CAPRIN1: variants seen among roughly 807,000 people sequenced by gnomAD.
CAPRIN1 encodes the protein cell cycle associated protein 1, also known as caprin-1.
A neutral mutation model predicts 100.9 loss-of-function variants in CAPRIN1; 29 were observed. That is an observed-to-expected ratio of 0.29 (90% CI 0.21 to 0.39). CAPRIN1 has a LOEUF of 0.39. Ranked by LOEUF, CAPRIN1 falls within the 10% of genes least tolerant of loss-of-function variation. The pLI is 1.00. For missense variants in CAPRIN1, 795 were observed against 876.7 expected (o/e 0.91, Z 1.18); for synonymous variants, 338 against 307.5 (o/e 1.10, Z -1.04).
chr11:34,053,990 T>C (rs1850393311), intron 2 of CAPRIN1, among the ~76,000 whole-genome samples: 1 of 152,232 alleles, frequency 6.6e-6, no homozygotes, highest in African/African-American at 2.4e-5. Context: ...TTTTGCAGTG[T>C]TTATGTGGCC....
intron 17 of CAPRIN1, among the ~76,000 whole-genome samples, 200 bp from the exon 18 acceptor site, chr11:34,097,498 A>G (rs995254995): frequency 6.6e-6 from 1 of 152,242 alleles, no homozygotes; most frequent in African/African-American, 2.4e-5. Flanking sequence ...TTCCAAGAGC[A>G]GAGAAATATA....
In CAPRIN1 at chr11:34,076,638, C is replaced by A; in HGVS notation, c.684C>A (p.Thr228=). The change falls in exon 6 of 19, where the codon ACC becomes ACA. Residue 228 remains threonine (T), a synonymous_variant. Coordinates refer to ENST00000341394, the MANE Select transcript of CAPRIN1 (RefSeq NM_005898.5). ...LEGKEKPVCG[T]TYKVLKEIVE... Reference sequence around the variant, plus strand: ...GGAAGGAAAAACCTGTATGTGGAACCACCTGTGAGTATCACTGTGATAACT... The same window carrying A: ...GGAAGGAAAAACCTGTATGTGGAACAACCTGTGAGTATCACTGTGATAACT... 6.2e-7 allele frequency: 1 copy of A among 1,601,294 alleles called. No homozygotes were observed. Among genetic ancestry groups the A allele is most frequent in the Non-Finnish European group, 8.6e-7 (1 of 1,168,536 alleles).
chr11:34,071,135 T>C (rs1850797505), intron 2 of CAPRIN1, among the ~76,000 whole-genome samples: 1 of 152,222 alleles, frequency 6.6e-6, no homozygotes, highest in African/African-American at 2.4e-5. Flanking sequence ...CCCTTACCCA[T>C]GTGGGTAGGA....
chr11:34,092,782 A>G (rs368383347), intron 15 of CAPRIN1, among the ~76,000 whole-genome samples: 2 of 152,172 alleles, frequency 1.3e-5, no homozygotes, highest in East Asian at 1.9e-4. Flanking sequence ...GGGTTGAAAC[A>G]TAATCTATTT....
chr11:34,087,240 AT>A (rs767954014), intron 11 of CAPRIN1, among the ~76,000 whole-genome samples: 6 of 152,062 alleles, frequency 3.9e-5, no homozygotes, highest in Non-Finnish European at 7.4e-5. Context: ...CATAAAATAA[AT>A]TGCTGAGTAA....
intron 2 of CAPRIN1, among the ~76,000 whole-genome samples, chr11:34,058,876 G>A (rs77441659): frequency 1.3e-5 from 2 of 152,156 alleles, no homozygotes; most frequent in African/African-American, 2.4e-5. Flanking sequence ...AGAGAAATAA[G>A]AAGTGTGACA....
intron 15 of CAPRIN1, among the ~76,000 whole-genome samples, chr11:34,092,901 G>A (rs1851289882): frequency 6.6e-6 from 1 of 152,110 alleles, no homozygotes; most frequent in Admixed American, 6.5e-5. Context: ...TGCCCGGGCT[G>A]GAGTGCAGTG....
intron 2 of CAPRIN1, among the ~76,000 whole-genome samples, chr11:34,057,762 A>G (rs1415286084): frequency 1.3e-5 from 2 of 152,192 alleles, no homozygotes; most frequent in Non-Finnish European, 2.9e-5. Context: ...CTCGTTGCCC[A>G]GGCTGGAGTG....
chr11:34,075,592 C>T (rs1353158040), intron 4 of CAPRIN1, among the ~76,000 whole-genome samples: 1 of 152,134 alleles, frequency 6.6e-6, no homozygotes, highest in Non-Finnish European at 1.5e-5. Context: ...AGACTGGCAG[C>T]GGATTATTTG....
intron 2 of CAPRIN1, among the ~76,000 whole-genome samples, chr11:34,066,996 C>T (rs1467865023): frequency 1.3e-5 from 2 of 149,884 alleles, no homozygotes; most frequent in Non-Finnish European, 1.5e-5. Context: ...GTGACACAAT[C>T]TCGACTCAGT....
intron 6 of CAPRIN1, among the ~76,000 whole-genome samples, chr11:34,077,023 C>T (rs1432603032): frequency 6.6e-6 from 1 of 152,228 alleles, no homozygotes; most frequent in East Asian, 1.9e-4. Context: ...GTGTGAGCCA[C>T]TGCGCCCAGC....
intron 15 of CAPRIN1, among the ~76,000 whole-genome samples, chr11:34,094,915 T>C (rs1400903729): frequency 6.6e-6 from 1 of 152,180 alleles, no homozygotes; most frequent in Non-Finnish European, 1.5e-5. Flanking sequence ...AGAGTCTTGC[T>C]CTTGTCTCCC....
chr11:34,072,410 A>C (rs1850820673), intron 4 of CAPRIN1, among the ~76,000 whole-genome samples: 1 of 152,190 alleles, frequency 6.6e-6, no homozygotes, highest in Non-Finnish European at 1.5e-5. Context: ...TAAAGGTCTC[A>C]TTGGTTTAAA....
intron 2 of CAPRIN1, among the ~76,000 whole-genome samples, chr11:34,064,116 ATACT>A (rs1483283985): frequency 7.9e-5 from 12 of 152,114 alleles, no homozygotes; most frequent in Admixed American, 5.9e-4. Flanking sequence ...TCTAGGAAAA[ATACT>A]TAATATCTTA....
intron 2 of CAPRIN1, among the ~76,000 whole-genome samples, chr11:34,065,332 A>G (rs1850667525): frequency 1.3e-5 from 2 of 152,214 alleles, no homozygotes; most frequent in African/African-American, 4.8e-5. Flanking sequence ...TCCAGGTTCT[A>G]CTGGGCTATT....
At chr11:34,063,779 G>A (rs557152797) in intron 2 of CAPRIN1, among the ~76,000 whole-genome samples, 2 of 152,320 alleles carry the variant, frequency 1.3e-5, no homozygotes, top group South Asian at 4.1e-4. Context: ...TATCAACATT[G>A]TAACGTAGTA....
chr11:34,090,580 G>T lies in CAPRIN1; in HGVS notation c.1456G>T (p.Ala486Ser), dbSNP rs201932903. 11 of 1,613,948 alleles carry T rather than the reference G, an allele frequency of 6.8e-6. No individual in the cohort carries two copies. Among genetic ancestry groups the T allele is most frequent in the Non-Finnish European group, 9.3e-6 (11 of 1,179,994 alleles). Residue 486 changes from alanine to serine, a missense_variant, in exon 14 of 19, where the codon GCT (alanine) becomes TCT (serine). Coordinates refer to ENST00000341394, the MANE Select transcript of CAPRIN1 (RefSeq NM_005898.5). ...DQTTASSSLP[A>S]ASQPQVFQAG... Reference sequence around the variant, plus strand: ...GACTACAGCATCATCATCCCTTCCTGCTGCGTCTCAGCCTCAAGTATTTCA... The same window carrying T: ...GACTACAGCATCATCATCCCTTCCTTCTGCGTCTCAGCCTCAAGTATTTCA...
chr11:34,068,430 GTA>G (rs1248125396), intron 2 of CAPRIN1, among the ~76,000 whole-genome samples: 1 of 152,194 alleles, frequency 6.6e-6, no homozygotes, highest in Non-Finnish European at 1.5e-5. Flanking sequence ...TTTTAGAACA[GTA>G]TGTGAGACTG....
In CAPRIN1 at chr11:34,052,636, G is replaced by A; in HGVS notation, c.216G>A (p.Lys72=). The stretch of plus-strand genomic sequence containing the variant: ...AACTTCGGAACCTGGAGAAGAAAAA[G>A]GTGCCAGGAGTTGGCGGGGAAGGGA... The part of the protein sequence containing the change: ...DKKLRNLEKK[K]GKLDDYQERM... Residue 72 remains lysine (K), a splice_region_variant and synonymous_variant, in exon 2 of 19, where the codon AAG becomes AAA. Coordinates refer to ENST00000341394, the MANE Select transcript of CAPRIN1 (RefSeq NM_005898.5). The A allele has an allele frequency of 6.2e-7, 1 of 1,605,290 alleles. No homozygotes were observed. The highest frequency in any genetic ancestry group is 8.5e-7 in the Non-Finnish European group (1 of 1,176,368).
Sources: gnomAD v4.1 joint callset for allele counts (sites outside exome capture counted in the v4.1 genomes callset) on GRCh38, gnomAD v4.1.1 for gene constraint, MANE v1.5 for transcripts, NCBI Gene and HGNC (gene_info 2026-07-23, HGNC 2026-07-21) for gene names.